Variants in RNF2 observed in about 807,000 individuals in gnomAD.
RNF2 encodes the protein ring finger protein 2.
A neutral mutation model predicts 37.2 loss-of-function variants in RNF2; 6 were observed. The ratio of observed to expected loss-of-function variants is 0.16; its 90% confidence interval spans 0.09 to 0.32. The LOEUF is 0.32. RNF2 is among the 10% of genes least tolerant of loss of function. The probability of loss-of-function intolerance (pLI) is 1.00; values close to 1 mark genes in which losing one functional copy is unlikely to be tolerated. For synonymous variants in RNF2, 133 were observed against 132.7 expected, an observed-to-expected ratio of 1.00 and a Z score of -0.02; for missense variants, 251 against 404.0, an observed-to-expected ratio of 0.62 and a Z score of 3.25.
In RNF2 at chr1:185,098,248, T is replaced by C; in HGVS notation, c.641T>C (p.Met214Thr). 1 of 1,614,164 alleles carries C rather than the reference T, an allele frequency of 6.2e-7. No individual in the cohort carries two copies. The highest frequency in any genetic ancestry group is 8.5e-7 in the Non-Finnish European group (1 of 1,180,010). The stretch of plus-strand genomic sequence containing the variant: ...GAGCTTGATAATAACAATGCAGCAA[T>C]GGCAATTGATCCAGTAATGGATGGT... ...GLELDNNNAA[M>T]AIDPVMDGAS... is the part of the protein sequence containing the mutation. Residue 214 changes from methionine (M) to threonine (T), a missense_variant, in exon 5 of 7, where the codon ATG becomes ACG. This residue lies in a region of RNF2 where 94 missense variants were observed against 99.2 expected (regional missense o/e 0.95). Coordinates refer to ENST00000367510, the MANE Select transcript of RNF2 (RefSeq NM_007212.4).
At chr1:185,074,748 C>T (rs760581568) in intron 1 of RNF2, among the ~76,000 whole-genome samples, 4 of 152,092 alleles carry the variant, frequency 2.6e-5, no homozygotes, top group Admixed American at 6.6e-5. Flanking sequence ...ATTCTCTAAA[C>T]AATACCATAT....
At chr1:185,067,580 A>G (rs1650833927) in intron 1 of RNF2, among the ~76,000 whole-genome samples, 1 of 152,176 alleles carries the variant, frequency 6.6e-6, no homozygotes. Context: ...AGAAAAACAT[A>G]TCTCATTAAA....
At chr1:185,095,128 T>C (rs1339562753) in intron 4 of RNF2, among the ~76,000 whole-genome samples, 2 of 152,254 alleles carry the variant, frequency 1.3e-5, no homozygotes, top group Non-Finnish European at 2.9e-5. Context: ...ATGTACTAAA[T>C]GTTAAATGTA....
chr1:185,086,191 T>G (rs1651595825), intron 1 of RNF2, among the ~76,000 whole-genome samples: 1 of 152,230 alleles, frequency 6.6e-6, no homozygotes, highest in Admixed American at 6.5e-5. Flanking sequence ...CCATATATTT[T>G]TGTCTGTACT....
intron 1 of RNF2, among the ~76,000 whole-genome samples, chr1:185,064,857 TA>T (rs1650753424): frequency 6.6e-6 from 1 of 152,220 alleles, no homozygotes; most frequent in South Asian, 2.1e-4. Flanking sequence ...AATTTTTTTT[TA>T]ATTTCCTTTT....
intron 1 of RNF2, among the ~76,000 whole-genome samples, chr1:185,063,893 A>C (rs1199328304): frequency 6.6e-6 from 1 of 152,166 alleles, no homozygotes; most frequent in East Asian, 1.9e-4. Flanking sequence ...TGCTTCTCAC[A>C]TCACATCGCT....
intron 4 of RNF2, 122 bp from the exon 5 acceptor site, chr1:185,097,950 A>G: frequency 9.9e-7 from 1 of 1,009,014 alleles, no homozygotes; most frequent in Admixed American, 2.5e-5. Flanking sequence ...CATCCAACTC[A>G]GAGTAAATTC....
intron 1 of RNF2, among the ~76,000 whole-genome samples, chr1:185,085,532 T>TA (rs1651568534): frequency 6.6e-6 from 1 of 152,164 alleles, no homozygotes; most frequent in South Asian, 2.1e-4. Flanking sequence ...TTCACATAGT[T>TA]AATATCATAC....
intron 1 of RNF2, among the ~76,000 whole-genome samples, chr1:185,082,345 CTTTTTTTTTTTTTTT>C (rs3036553): frequency 1.4e-5 from 1 of 72,000 alleles, no homozygotes; most frequent in Non-Finnish European, 2.9e-5. Context: ...CTCTGCAGAA[CTTTTTTTTTTTTTTT>C]TTTTTTTGAA....
intron 1 of RNF2, among the ~76,000 whole-genome samples, chr1:185,069,138 C>G (rs1476200173): frequency 6.6e-6 from 1 of 152,070 alleles, no homozygotes; most frequent in African/African-American, 2.4e-5. Context: ...ATTATGAATT[C>G]CTCTTTCACC....
intron 1 of RNF2, among the ~76,000 whole-genome samples, chr1:185,067,874 C>A (rs1275360499): frequency 6.6e-6 from 1 of 150,914 alleles, no homozygotes; most frequent in African/African-American, 2.4e-5. Flanking sequence ...CCACGCCCAG[C>A]TAATTTTTGT....
intron 4 of RNF2, among the ~76,000 whole-genome samples, chr1:185,096,653 GTTTATA>G (rs1255958983): frequency 6.6e-6 from 1 of 151,912 alleles, no homozygotes; most frequent in Non-Finnish European, 1.5e-5. Flanking sequence ...TTTGTGCCTG[GTTTATA>G]TTACTTAAAT....
intron 1 of RNF2, among the ~76,000 whole-genome samples, chr1:185,056,985 A>G (rs1175538331): frequency 6.6e-6 from 1 of 152,114 alleles, no homozygotes; most frequent in African/African-American, 2.4e-5. Context: ...TTTTAACTGT[A>G]TTTTATATGT....
At chr1:185,086,823 C>T (rs1651612702) in intron 1 of RNF2, among the ~76,000 whole-genome samples, 3 of 152,156 alleles carry the variant, frequency 2.0e-5, no homozygotes, top group Admixed American at 1.3e-4. Flanking sequence ...CAGCATTGGA[C>T]TAGATAGCTA....
At chr1:185,074,469 T>C (rs1431702997) in intron 1 of RNF2, among the ~76,000 whole-genome samples, 4 of 152,116 alleles carry the variant, frequency 2.6e-5, no homozygotes, top group Non-Finnish European at 5.9e-5. Context: ...AGAGTAACCA[T>C]ATTAGCATAA....
chr1:185,068,783 A>G (rs115391600), intron 1 of RNF2, among the ~76,000 whole-genome samples: 1,918 of 152,314 alleles, frequency 0.013, 40 homozygotes, highest in African/African-American at 0.044. Context: ...CAGAATGTAA[A>G]TGGACATTTC....
chr1:185,086,193 G>T (rs1478523718), intron 1 of RNF2, among the ~76,000 whole-genome samples: 1 of 151,692 alleles, frequency 6.6e-6, no homozygotes, highest in African/African-American at 2.4e-5. Context: ...ATATATTTTT[G>T]TCTGTACTCC....
intron 4 of RNF2, among the ~76,000 whole-genome samples, chr1:185,095,832 G>A (rs910328637): frequency 5.9e-5 from 9 of 152,028 alleles, no homozygotes; most frequent in Non-Finnish European, 1.3e-4. Flanking sequence ...GTATATGTTC[G>A]TATATGTCCC....
At chr1:185,076,316 AGTCTCATTCT>A (rs1651162996) in intron 1 of RNF2, among the ~76,000 whole-genome samples, 1 of 45,168 alleles carries the variant, frequency 2.2e-5, no homozygotes, top group South Asian at 7.8e-4. Context: ...TTTGAGACAG[AGTCTCATTCT>A]GTCGCCCAGG....
Sources: allele counts gnomAD v4.1 joint callset (sites outside exome capture counted in the v4.1 genomes callset), GRCh38; gene constraint gnomAD v4.1.1; regional missense constraint gnomAD v4.1.1; transcripts MANE v1.5; gene names NCBI Gene and HGNC (gene_info 2026-07-23, HGNC 2026-07-21).